ROCK1: variants seen among roughly 807,000 people sequenced by gnomAD.
ROCK1 encodes rho-associated protein kinase 1.
Under a neutral mutation model 196.8 loss-of-function variants are expected in ROCK1, and 36 were observed. The observed-to-expected ratio is 0.18, with a 90% CI of 0.14 to 0.24. The LOEUF (loss-of-function observed/expected upper bound fraction) is 0.24. ROCK1 is among the 10% of genes least tolerant of loss of function. The probability of loss-of-function intolerance (pLI) is 1.00; values close to 1 mark genes in which losing one functional copy is unlikely to be tolerated. For missense variants in ROCK1, 920 were observed against 1,562.0 expected, an observed-to-expected ratio of 0.59 and a Z score of 6.93; for synonymous variants, 443 against 515.9, an observed-to-expected ratio of 0.86 and a Z score of 1.91.
intron 1 of ROCK1, among the ~76,000 whole-genome samples, chr18:21,087,688 C>T (rs1324510967): frequency 5.3e-5 from 8 of 151,954 alleles, no homozygotes; most frequent in African/African-American, 1.5e-4. Context: ...CAAAACCTGA[C>T]AAAAATGAAA....
At chr18:21,036,972 G>T (rs1337879078) in intron 9 of ROCK1, among the ~76,000 whole-genome samples, 4 of 151,310 alleles carry the variant, frequency 2.6e-5, no homozygotes, top group East Asian at 3.9e-4. Flanking sequence ...TTCCATTTTT[G>T]ATCTATATAA....
intron 16 of ROCK1, among the ~76,000 whole-genome samples, chr18:20,998,283 A>G (rs1407040638): frequency 1.3e-5 from 2 of 152,226 alleles, no homozygotes; most frequent in African/African-American, 2.4e-5. Context: ...ACAAAAGCCA[A>G]TGGGATACAG....
Position 21,041,269 on chromosome 18 carries a change from T to TTAAA in ROCK1, c.959+824_959+827dup, listed in dbSNP as rs1413683024. 2.1e-5 allele frequency among the ~76,000 whole-genome samples: 3 copies of TTAAA among 140,804 alleles called. No individual in the cohort carries two copies. In the East Asian group the frequency reaches 6.0e-4, roughly 28 times the overall value. The allele number at this position is 140,804 out of a possible 152,430, so 92.4% of individuals were successfully genotyped here. On this transcript the variant is annotated intron_variant, in intron 8 of 32. Coordinates refer to ENST00000399799, the MANE Select transcript of ROCK1 (RefSeq NM_005406.3). ...CAACAGAGCAAAACCCTGTCTCTAT[T>TTAAA]TAAAAAAAAAAAAAAAAAAAAAAAG...
intron 4 of ROCK1, among the ~76,000 whole-genome samples, chr18:21,046,259 G>A (rs1031435353): frequency 5.3e-5 from 8 of 152,242 alleles, no homozygotes; most frequent in Middle Eastern, 3.4e-3. Context: ...TAACCTACCC[G>A]AGTCTATGAG....
chr18:20,976,318 T>C (rs1299873061), intron 22 of ROCK1, among the ~76,000 whole-genome samples: 3 of 152,354 alleles, frequency 2.0e-5, no homozygotes, highest in African/African-American at 7.2e-5. Flanking sequence ...AGAGTGGCTT[T>C]GTTCTTGTTC....
At chr18:21,033,040 AAAG>A (rs1371096441) in intron 9 of ROCK1, among the ~76,000 whole-genome samples, 1 of 152,074 alleles carries the variant, frequency 6.6e-6, no homozygotes, top group Non-Finnish European at 1.5e-5. Flanking sequence ...CAGAAAATTA[AAAG>A]AAAATTAGCC....
At chr18:21,000,731 G>C (rs2035716563) in intron 16 of ROCK1, among the ~76,000 whole-genome samples, 1 of 152,110 alleles carries the variant, frequency 6.6e-6, no homozygotes, top group Admixed American at 6.5e-5. Flanking sequence ...ATACCCACTA[G>C]AGTAACTAAC....
At chr18:21,027,741 A>T (rs2035971461) in intron 10 of ROCK1, among the ~76,000 whole-genome samples, 1 of 144,990 alleles carries the variant, frequency 6.9e-6, no homozygotes, top group South Asian at 2.2e-4. Context: ...TTTGGGGAGG[A>T]ATCACTTAAT....
At chr18:21,020,019 G>T in intron 12 of ROCK1, 132 bp downstream of exon 12, 1 of 488,334 alleles carries the variant, frequency 2.0e-6, no homozygotes, top group Non-Finnish European at 3.5e-6. Flanking sequence ...GACACATCAT[G>T]AATGTATTAT....
chr18:21,042,313 T>C, intron 7 of ROCK1, 78 bp from the exon 8 acceptor site: 1 of 1,305,454 alleles, frequency 7.7e-7, no homozygotes, highest in East Asian at 2.4e-5. Context: ...GAGTCAAAGT[T>C]ACCCGTTTAA....
intron 27 of ROCK1, 108 bp downstream of exon 27, chr18:20,966,809 T>C (rs2035377932): frequency 1.2e-6 from 1 of 846,318 alleles, no homozygotes; most frequent in East Asian, 2.6e-5. Flanking sequence ...AATTCCTTCT[T>C]AGGAATCCAT....
intron 1 of ROCK1, among the ~76,000 whole-genome samples, chr18:21,105,473 C>A (rs2036695317): frequency 6.6e-6 from 1 of 152,158 alleles, no homozygotes; most frequent in Admixed American, 6.5e-5. Flanking sequence ...GACCTCAGGT[C>A]TTTTCATTCC....
intron 32 of ROCK1, among the ~76,000 whole-genome samples, chr18:20,951,855 G>A (rs1363244221): frequency 5.9e-5 from 9 of 152,206 alleles, no homozygotes; most frequent in Non-Finnish European, 1.2e-4. Context: ...TCAGTGTTAG[G>A]TCTCAGCTTC....
intron 13 of ROCK1, among the ~76,000 whole-genome samples, chr18:21,012,152 T>C (rs1364630081): frequency 6.6e-6 from 1 of 152,176 alleles, no homozygotes. Context: ...GGTTTTGCCA[T>C]GTTGGCCAGG....
intron 9 of ROCK1, among the ~76,000 whole-genome samples, chr18:21,032,704 T>G (rs2036020099): frequency 7.3e-6 from 1 of 137,698 alleles, no homozygotes; most frequent in Admixed American, 7.4e-5. Context: ...TTTTTTTTTG[T>G]AGAGATGAGG....
At chr18:21,015,890 G>T (rs966454279) in intron 12 of ROCK1, among the ~76,000 whole-genome samples, 21 of 151,532 alleles carry the variant, frequency 1.4e-4, no homozygotes, top group African/African-American at 5.1e-4. Context: ...CAAGGCAGGA[G>T]AATCACTTGA....
chr18:20,961,883 T>C (rs1288077380), intron 27 of ROCK1, among the ~76,000 whole-genome samples: 1 of 147,886 alleles, frequency 6.8e-6, no homozygotes, highest in African/African-American at 2.5e-5. Context: ...CTCAAACTCC[T>C]GAGCCTCAGC....
chr18:20,990,693 CAAAAAAAAAAAA>C (rs1170099682), intron 18 of ROCK1, among the ~76,000 whole-genome samples: 35 of 22,598 alleles, frequency 1.5e-3, no homozygotes, highest in East Asian at 5.7e-3. Context: ...AACTTCGTCT[CAAAAAAAAAAAA>C]AAAAAAAAAA....
Position 21,091,420 on chromosome 18 carries a change from T to C in ROCK1, c.93+19398A>G, listed in dbSNP as rs181312574. Among the ~76,000 whole-genome samples the C allele has an allele frequency of 4.5e-3, 687 of 151,930 alleles. 1 individual carries two copies. Among genetic ancestry groups the C allele is most frequent in the Non-Finnish European group, 7.2e-3 (488 of 67,970 alleles). On this transcript the variant is annotated intron_variant, in intron 1 of 32. Coordinates refer to ENST00000399799, the MANE Select transcript of ROCK1 (RefSeq NM_005406.3). ...GAGTTCAAGACCAGCCTGGCCAACA[T>C]GGTGAAACCCCGTCTCTACTAAAAA... is the stretch of plus-strand genomic sequence containing the variant.
Sources: gnomAD v4.1 joint callset for allele counts (sites outside exome capture counted in the v4.1 genomes callset) on GRCh38, gnomAD v4.1.1 for gene constraint, MANE v1.5 for transcripts, NCBI Gene and HGNC (gene_info 2026-07-23, HGNC 2026-07-21) for gene names.